Variants in FBXW8 observed in about 807,000 individuals in gnomAD.
FBXW8 encodes the protein F-box/WD repeat-containing protein 8.
FBXW8 carries 57 observed loss-of-function variants against 65.3 expected under a neutral mutation model. The ratio of observed to expected loss-of-function variants is 0.87; its 90% CI spans 0.71 to 1.09. The LOEUF (loss-of-function observed/expected upper bound fraction) is 1.09, where lower values mean the gene tolerates loss of function less well. Ranked by LOEUF, FBXW8 falls within the 50% of genes least tolerant of loss-of-function variation. The pLI is 0.00. For missense variants in FBXW8, 777 were observed against 814.8 expected (o/e 0.95, Z 0.57); for synonymous variants, 308 against 330.2 (o/e 0.93, Z 0.73).
chr12:116,946,910 G>T (rs1882970300), intron 3 of FBXW8, among the ~76,000 whole-genome samples: 1 of 152,054 alleles, frequency 6.6e-6, no homozygotes, highest in African/African-American at 2.4e-5. Context: ...TGTTAACGGG[G>T]TCCTTTCTCT....
intron 7 of FBXW8, among the ~76,000 whole-genome samples, chr12:117,004,259 A>G (rs1432956085): frequency 6.6e-6 from 1 of 151,720 alleles, no homozygotes; most frequent in East Asian, 1.9e-4. Flanking sequence ...CCTACTTTTT[A>G]TCCTCTCCCT....
intron 9 of FBXW8, among the ~76,000 whole-genome samples, chr12:117,025,545 G>A (rs1235181657): frequency 1.3e-5 from 2 of 152,192 alleles, no homozygotes; most frequent in Non-Finnish European, 2.9e-5. Flanking sequence ...TCCAAGAGGC[G>A]GCAGGGTTAC....
chr12:117,020,512 C>G (rs1055358510), intron 8 of FBXW8, among the ~76,000 whole-genome samples: 1 of 152,218 alleles, frequency 6.6e-6, no homozygotes, highest in Non-Finnish European at 1.5e-5. Context: ...CTTATACCCC[C>G]ATTCGCAGTT....
intron 1 of FBXW8, among the ~76,000 whole-genome samples, chr12:116,923,625 G>A (rs539432803): frequency 2.6e-4 from 40 of 152,026 alleles, no homozygotes; most frequent in South Asian, 2.5e-3. Context: ...CCGGGTTCAC[G>A]CCATTCTCCT....
chr12:116,978,465 A>G (rs1055490533), intron 5 of FBXW8: 6 of 152,220 alleles, frequency 3.9e-5, no homozygotes, highest in African/African-American at 1.4e-4. Context: ...TTGACTCCTG[A>G]TTAATTTCTG....
At chr12:116,944,288 G>A (rs1327407754) in intron 2 of FBXW8, among the ~76,000 whole-genome samples, 1 of 152,154 alleles carries the variant, frequency 6.6e-6, no homozygotes, top group Non-Finnish European at 1.5e-5. Context: ...TGCTGTTATG[G>A]AGGAGCAGGT....
At chr12:116,977,048 A>G (rs548153288) in intron 5 of FBXW8, among the ~76,000 whole-genome samples, 13 of 152,278 alleles carry the variant, frequency 8.5e-5, no homozygotes, top group African/African-American at 2.4e-4. Context: ...TGGCAAAACC[A>G]TCTATTTGTT....
intron 8 of FBXW8, among the ~76,000 whole-genome samples, chr12:117,014,044 C>T (rs1007249364): frequency 1.3e-5 from 2 of 152,114 alleles, no homozygotes; most frequent in African/African-American, 4.8e-5. Context: ...CCTCTCCTTC[C>T]AGTAACCTCA....
intron 8 of FBXW8, among the ~76,000 whole-genome samples, chr12:117,016,389 C>T (rs1953946321): frequency 6.6e-6 from 1 of 152,212 alleles, no homozygotes; most frequent in Non-Finnish European, 1.5e-5. Flanking sequence ...CATCCTTTCA[C>T]GTGCTTATTG....
At chr12:116,921,649 T>G (rs1361986608) in intron 1 of FBXW8, among the ~76,000 whole-genome samples, 3 of 152,160 alleles carry the variant, frequency 2.0e-5, no homozygotes, top group Non-Finnish European at 4.4e-5. Context: ...TAGATAGTAT[T>G]TTGAACATAA....
intron 9 of FBXW8, 130 bp from the exon 10 acceptor site, chr12:117,027,264 T>G (rs1344049537): frequency 4.2e-6 from 3 of 709,126 alleles, no homozygotes; most frequent in Non-Finnish European, 7.4e-6. Flanking sequence ...GGGGCCCTGT[T>G]CCCTCTGTGA....
chr12:116,928,891 A>G (rs1258988319), intron 2 of FBXW8, among the ~76,000 whole-genome samples: 2 of 152,074 alleles, frequency 1.3e-5, no homozygotes, highest in South Asian at 2.1e-4. Flanking sequence ...GCTCACTGCA[A>G]CCTCTGCCTC....
intron 7 of FBXW8, among the ~76,000 whole-genome samples, chr12:117,005,583 G>A (rs1293667704): frequency 6.6e-6 from 1 of 152,224 alleles, no homozygotes; most frequent in Non-Finnish European, 1.5e-5. Context: ...CTGGGGAAGA[G>A]CCGGAAGAAG....
intron 7 of FBXW8, among the ~76,000 whole-genome samples, chr12:116,991,472 C>G (rs1000024647): frequency 7.9e-5 from 12 of 152,160 alleles, no homozygotes; most frequent in African/African-American, 2.9e-4. Context: ...GTCATAATTC[C>G]CAAATAGTCT....
In FBXW8 at chr12:117,028,401, CT is replaced by C; in HGVS notation, c.*230del. On this transcript the variant is annotated 3_prime_UTR_variant, in exon 11 of 11. Coordinates refer to ENST00000652555, the MANE Select transcript of FBXW8 (RefSeq NM_153348.3). The surrounding 1 kb of genome is among the most constrained non-coding windows in gnomAD (Gnocchi z 4.1). ...CACGTGCTGCCAACTCAAACATAGC[CT>C]CCTTCCCCACCCAGCTGGCCACCCT... The C allele has an allele frequency of 1.7e-6, 1 of 575,750 alleles. No individual in the cohort carries two copies. Among genetic ancestry groups the C allele is most frequent in the Middle Eastern group, 4.8e-4 (1 of 2,104 alleles). The allele number at this position is 575,750 out of a possible 1,614,324, so 35.7% of individuals were successfully genotyped here.
intron 5 of FBXW8, among the ~76,000 whole-genome samples, chr12:116,966,577 T>A (rs1884340331): frequency 6.6e-6 from 1 of 152,182 alleles, no homozygotes; most frequent in Admixed American, 6.5e-5. Flanking sequence ...ATGTCTCACA[T>A]CTCGTGAGCT....
At chr12:117,023,223 C>T (rs777331193) in intron 8 of FBXW8, among the ~76,000 whole-genome samples, 44 of 152,154 alleles carry the variant, frequency 2.9e-4, no homozygotes, top group Admixed American at 5.9e-4. Flanking sequence ...AGAATCCTGT[C>T]GCTCCACAGC....
intron 1 of FBXW8, among the ~76,000 whole-genome samples, chr12:116,924,909 G>A (rs987088014): frequency 1.3e-5 from 2 of 152,052 alleles, no homozygotes; most frequent in African/African-American, 4.8e-5. Context: ...AATTTACTCT[G>A]GTTTGTCTGG....
At chr12:117,020,306 C>T (rs139432460) in intron 8 of FBXW8, among the ~76,000 whole-genome samples, 1 of 152,206 alleles carries the variant, frequency 6.6e-6, no homozygotes, top group East Asian at 1.9e-4. Context: ...CTTTTAGGAC[C>T]TCTTGGTCTT....
Sources: gnomAD v4.1 joint callset for allele counts (sites outside exome capture counted in the v4.1 genomes callset) on GRCh38, gnomAD v4.1.1 for gene constraint, Gnocchi (gnomAD v3.1) non-coding constraint, MANE v1.5 for transcripts, NCBI Gene and HGNC (gene_info 2026-07-23, HGNC 2026-07-21) for gene names.